The following VPS13B variants were observed in gnomAD, a reference collection of about 807,000 sequenced individuals.
VPS13B encodes intermembrane lipid transfer protein VPS13B.
Under a neutral mutation model 426.4 loss-of-function variants are expected in VPS13B, and 285 were observed. The ratio of observed to expected loss-of-function variants is 0.67; its 90% CI spans 0.61 to 0.74. The LOEUF is 0.74. VPS13B is among the 30% of genes least tolerant of loss of function. The pLI is 0.00. For synonymous variants in VPS13B, 1,676 were observed against 1,676.4 expected (o/e 1.00, Z 0.01); for missense variants, 4,537 against 4,782.6 (o/e 0.95, Z 1.51).
intron 24 of VPS13B, among the ~76,000 whole-genome samples, chr8:99,478,655 G>T (rs1218035962): frequency 2.6e-5 from 4 of 151,168 alleles, no homozygotes; most frequent in Non-Finnish European, 5.9e-5. Context: ...CACCATGTTG[G>T]CCAGGCTGGT....
intron 40 of VPS13B, 84 bp from the exon 41 acceptor site, chr8:99,776,691 G>T: frequency 7.7e-7 from 1 of 1,294,132 alleles, no homozygotes; most frequent in Admixed American, 1.7e-5. Flanking sequence ...ACTAGTTTTA[G>T]AAACCCTTAT....
chr8:99,731,986 C>T (rs532156749), intron 39 of VPS13B, among the ~76,000 whole-genome samples: 1 of 152,302 alleles, frequency 6.6e-6, no homozygotes, highest in East Asian at 1.9e-4. Context: ...GGGACCTCCT[C>T]TCCCTGAGCA....
intron 8 of VPS13B, among the ~76,000 whole-genome samples, chr8:99,124,025 G>GA (rs1008857695): frequency 2.6e-5 from 4 of 152,084 alleles, no homozygotes; most frequent in Admixed American, 1.3e-4. Context: ...GTGTAGAATA[G>GA]AAAAAAGAGG....
chr8:99,496,447 C>T (rs573748296), intron 25 of VPS13B, among the ~76,000 whole-genome samples: 1 of 152,094 alleles, frequency 6.6e-6, no homozygotes, highest in East Asian at 1.9e-4. Context: ...GTCAGGAGAT[C>T]GAGACCATCC....
intron 3 of VPS13B, among the ~76,000 whole-genome samples, chr8:99,081,181 C>T (rs1375539255): frequency 6.6e-6 from 1 of 152,232 alleles, no homozygotes; most frequent in East Asian, 1.9e-4. Flanking sequence ...AGTCTCCCAT[C>T]CTTACATGAC....
chr8:99,702,965 C>T (rs145025120), intron 36 of VPS13B, among the ~76,000 whole-genome samples: 31 of 152,022 alleles, frequency 2.0e-4, no homozygotes, highest in African/African-American at 7.5e-4. Flanking sequence ...GTCAAAGGTA[C>T]AAAAATATTT....
At chr8:99,361,490 G>A (rs1050018040) in intron 19 of VPS13B, among the ~76,000 whole-genome samples, 4 of 152,102 alleles carry the variant, frequency 2.6e-5, no homozygotes, top group African/African-American at 9.7e-5. Flanking sequence ...GCTTCCTTTA[G>A]GCATATATAG....
chr8:99,672,775 G>T (rs951513012), intron 35 of VPS13B, among the ~76,000 whole-genome samples: 8 of 152,038 alleles, frequency 5.3e-5, no homozygotes, highest in Non-Finnish European at 1.2e-4. Flanking sequence ...TGTGACCTGT[G>T]AATTTGTCAC....
intron 35 of VPS13B, among the ~76,000 whole-genome samples, chr8:99,689,528 A>T (rs1831559375): frequency 6.6e-6 from 1 of 152,148 alleles, no homozygotes; most frequent in African/African-American, 2.4e-5. Context: ...TCTCAAAAAA[A>T]AAGTTAGCGC....
intron 31 of VPS13B, among the ~76,000 whole-genome samples, chr8:99,572,675 G>A (rs1588506972): frequency 6.6e-6 from 1 of 152,284 alleles, no homozygotes; most frequent in East Asian, 1.9e-4. Context: ...GTGTATATGT[G>A]CCACATTTTC....
At chr8:99,840,662 A>G (rs1815637530) in intron 54 of VPS13B, among the ~76,000 whole-genome samples, 1 of 152,250 alleles carries the variant, frequency 6.6e-6, no homozygotes, top group Non-Finnish European at 1.5e-5. Flanking sequence ...ACTATACAGT[A>G]TAAGATATTA....
At chr8:99,465,487 A>G (rs1015256112) in intron 23 of VPS13B, among the ~76,000 whole-genome samples, 14 of 151,838 alleles carry the variant, frequency 9.2e-5, no homozygotes, top group African/African-American at 2.9e-4. Flanking sequence ...ACGCAGAAAT[A>G]TAACTGTGAT....
rs935182094 is a variant in VPS13B, at chr8:99,099,486, T to C, written c.412+3054T>C. Among the ~76,000 whole-genome samples, 6 of 152,212 alleles carry C rather than the reference T, an allele frequency of 3.9e-5. No individual in the cohort carries two copies. The South Asian group carries it at 1.2e-3, about 31-fold the overall frequency. ...AGATGGTGTCTCTTTGTAACCAAAA[T>C]TTTTTGATACATGCCATTTAAGACT... On this transcript the variant is annotated intron_variant, in intron 4 of 61. Transcript: ENST00000357162.
chr8:99,696,340 G>T lies in VPS13B; in HGVS notation c.6047-3185G>T, dbSNP rs1832001039. 3 of 266,000 alleles carry T rather than the reference G, an allele frequency of 1.1e-5. No homozygotes were observed. The South Asian group carries it at 1.3e-4, about 12-fold the overall frequency. The allele number at this position is 266,000 out of a possible 1,614,324, so 16.5% of individuals were successfully genotyped here. A position where few individuals can be genotyped will look rare whatever the true frequency, so the allele number is the denominator to read the frequency against. On this transcript the variant is annotated intron_variant, in intron 35 of 61. Coordinates refer to ENST00000357162, the MANE Select transcript of VPS13B (RefSeq NM_152564.5). ...GTCGCTCGGGCAGAGGGAGCTGGAT[G>T]AGCTGAAGCGCTACTGCCTTGGCTT...
chr8:99,410,337 T>G (rs1179372609), intron 21 of VPS13B, among the ~76,000 whole-genome samples: 1 of 152,124 alleles, frequency 6.6e-6, no homozygotes, highest in East Asian at 1.9e-4. Flanking sequence ...GCATTTTTTG[T>G]GTGGTATACT....
intron 33 of VPS13B, among the ~76,000 whole-genome samples, chr8:99,609,012 G>A (rs995150651): frequency 2.2e-4 from 34 of 152,158 alleles, no homozygotes; most frequent in African/African-American, 7.2e-4. Flanking sequence ...TTCATTTGCC[G>A]TAGGAATATA....
chr8:99,584,760 G>A (rs1425424135), intron 33 of VPS13B, among the ~76,000 whole-genome samples: 1 of 152,130 alleles, frequency 6.6e-6, no homozygotes, highest in Non-Finnish European at 1.5e-5. Flanking sequence ...ACATAGAAAA[G>A]AGTAGCCTAT....
In VPS13B at chr8:99,783,084, G is replaced by T. The variant is rs116270222; in HGVS notation, c.7780-1231G>T. ...TCAAGGGCATTCTGGATGATTAGGA[G>T]TAGATTCTGTTTCCCAAGATGAGTC... is the stretch of plus-strand genomic sequence containing the variant. On this transcript the variant is annotated intron_variant, in intron 42 of 61. Transcript: ENST00000357162. Among the ~76,000 whole-genome samples the T allele has an allele frequency of 3.4e-3, 513 of 152,264 alleles. 2 individuals carry two copies. The highest frequency in any genetic ancestry group is 0.011 in the African/African-American group (457 of 41,554).
At chr8:99,188,084 G>T (rs1813323853) in intron 16 of VPS13B, among the ~76,000 whole-genome samples, 1 of 138,120 alleles carries the variant, frequency 7.2e-6, no homozygotes, top group Non-Finnish European at 1.6e-5. Flanking sequence ...GTGAGGGAAG[G>T]CATTGGTATT....
Sources: allele counts gnomAD v4.1 joint callset (sites outside exome capture counted in the v4.1 genomes callset), GRCh38; gene constraint gnomAD v4.1.1; transcripts MANE v1.5; gene names NCBI Gene and HGNC (gene_info 2026-07-23, HGNC 2026-07-21).